The following ADGRV1 variants were observed in gnomAD, a reference collection of about 807,000 sequenced individuals.
ADGRV1 encodes the protein G-protein coupled receptor 98.
In ADGRV1, 359 loss-of-function variants were observed where a neutral mutation model predicts 596.2. That is an observed-to-expected ratio of 0.60 (90% CI 0.55 to 0.66). The LOEUF is 0.66. ADGRV1 is among the 30% of genes least tolerant of loss of function. The pLI is 0.00. For synonymous variants in ADGRV1, 2,681 were observed against 2,679.2 expected (o/e 1.00, Z -0.02); for missense variants, 7,274 against 7,575.6 (o/e 0.96, Z 1.48).
chr5:90,718,401 G>A (rs190764148), intron 43 of ADGRV1: 36 of 152,030 alleles, frequency 2.4e-4, no homozygotes, highest in African/African-American at 8.7e-4. Context: ...TCCACCTTTT[G>A]ACTCTTGTCA....
intron 1 of ADGRV1, among the ~76,000 whole-genome samples, chr5:90,605,908 T>G (rs547709734): frequency 8.3e-4 from 126 of 152,244 alleles, no homozygotes; most frequent in African/African-American, 3.0e-3. Flanking sequence ...TACTTGCACT[T>G]TTCAGCCAAG....
At chr5:91,119,227 A>T (rs994290872) in intron 87 of ADGRV1, among the ~76,000 whole-genome samples, 1 of 152,240 alleles carries the variant, frequency 6.6e-6, no homozygotes, top group African/African-American at 2.4e-5. Flanking sequence ...TAAAACACCC[A>T]GATTTGTGCC....
chr5:90,863,005 A>G (rs1295952599), intron 82 of ADGRV1, among the ~76,000 whole-genome samples: 1 of 152,246 alleles, frequency 6.6e-6, no homozygotes, highest in Non-Finnish European at 1.5e-5. Context: ...GCAAAGCAGT[A>G]TACATATGTC....
rs539508315 is a variant in ADGRV1 at position 90,976,361 on chromosome 5, T to C, written c.17974-8983T>C. Reference sequence around the variant, plus strand: ...ATATATATATATATGTATATGTATATATGGACATCTTTAAGTTTACCATGC... The same window carrying C: ...ATATATATATATATGTATATGTATACATGGACATCTTTAAGTTTACCATGC... On this transcript the variant is annotated intron_variant, in intron 84 of 89. Transcript: ENST00000405460. Among the ~76,000 whole-genome samples the C allele has an allele frequency of 1.2e-4, 18 of 147,156 alleles. No individual in the cohort carries two copies. The South Asian group carries it at 2.5e-3, about 21-fold the overall frequency.
At chr5:91,034,820 A>T (rs2151243751) in intron 85 of ADGRV1, among the ~76,000 whole-genome samples, 1 of 152,224 alleles carries the variant, frequency 6.6e-6, no homozygotes, top group South Asian at 2.1e-4. Context: ...TCCCCCTGTT[A>T]TGTTGCCAAG....
Position 90,667,566 on chromosome 5 carries a change from G to A in ADGRV1, c.4753-4980G>A, listed in dbSNP as rs570709050. Among the ~76,000 whole-genome samples, 126 of 148,938 alleles carry A rather than the reference G, an allele frequency of 8.5e-4. 1 individual carries two copies. The highest frequency in any genetic ancestry group is 4.6e-3 in the East Asian group (23 of 4,988). On this transcript the variant is annotated intron_variant, in intron 21 of 89. Coordinates refer to ENST00000405460, the MANE Select transcript of ADGRV1 (RefSeq NM_032119.4). Reference sequence around the variant, plus strand: ...TTGCCTTTGGTTTGAATGTCCTCCCGTAGCTCAGAGTAATTTGATCGTCTG... The same window carrying A: ...TTGCCTTTGGTTTGAATGTCCTCCCATAGCTCAGAGTAATTTGATCGTCTG...
chr5:90,889,463 C>T (rs1361080430), intron 83 of ADGRV1, among the ~76,000 whole-genome samples: 1 of 151,974 alleles, frequency 6.6e-6, no homozygotes, highest in Non-Finnish European at 1.5e-5. Flanking sequence ...CCATTGTTTT[C>T]ACTACTAGAA....
chr5:90,947,266 G>A lies in ADGRV1; in HGVS notation c.17857-18149G>A, dbSNP rs536322925. On this transcript the variant is annotated intron_variant, in intron 83 of 89. Transcript: ENST00000405460. ...TATCGAGCTTTTTCTTCATATGTTT[G>A]TTGGCCACATAAATGTCTTCTTTTG... Among the ~76,000 whole-genome samples the A allele has an allele frequency of 3.3e-5, 5 of 151,972 alleles. No individual in the cohort carries two copies. In the South Asian group the frequency reaches 6.2e-4, roughly 19 times the overall value.
In ADGRV1 at chr5:91,150,089, G is replaced by A. The variant is rs750815536; in HGVS notation, c.18492G>A (p.Lys6164=). ...ILHNQMCCPM[K]ASYTVEMNGH... ...ACAACCAAATGTGTTGCCCTATGAA[G>A]GCCAGTTACACTGTGGAAATGAATG... Residue 6164 remains lysine, a synonymous_variant, in exon 88 of 90, where the codon AAG becomes AAA. Coordinates refer to ENST00000405460, the MANE Select transcript of ADGRV1 (RefSeq NM_032119.4). 2.0e-5 allele frequency: 31 copies of A among 1,561,466 alleles called. No homozygotes were observed. The highest frequency in any genetic ancestry group is 2.6e-5 in the Non-Finnish European group (30 of 1,153,486).
intron 76 of ADGRV1, among the ~76,000 whole-genome samples, chr5:90,827,769 A>G (rs1310826462): frequency 1.3e-5 from 2 of 152,202 alleles, no homozygotes; most frequent in African/African-American, 4.8e-5. Flanking sequence ...CACAGAAAAA[A>G]CTAAGTATTT....
intron 83 of ADGRV1, among the ~76,000 whole-genome samples, chr5:90,943,955 G>A (rs1262165720): frequency 6.6e-6 from 1 of 152,268 alleles, no homozygotes; most frequent in East Asian, 1.9e-4. Flanking sequence ...GAATTGAGGT[G>A]TAGGGGGGGC....
At chr5:91,105,243 G>A (rs1791753237) in intron 87 of ADGRV1, among the ~76,000 whole-genome samples, 1 of 152,048 alleles carries the variant, frequency 6.6e-6, no homozygotes, top group Non-Finnish European at 1.5e-5. Context: ...ATTGGTTGTT[G>A]GACACCTAGG....
intron 86 of ADGRV1, among the ~76,000 whole-genome samples, chr5:91,094,066 A>G (rs6452937): frequency 0.26 from 39,665 of 151,600 alleles, 7,375 homozygotes; most frequent in African/African-American, 0.52. Context: ...TCGCCAGGAC[A>G]GTCTCGAGCT....
chr5:90,973,208 T>G (rs796637220), intron 84 of ADGRV1, among the ~76,000 whole-genome samples: 1 of 152,088 alleles, frequency 6.6e-6, no homozygotes, highest in Admixed American at 6.6e-5. Flanking sequence ...AGGCAATAAT[T>G]AATAGCCTAC....
At position 90,811,215 on chromosome 5, in the gene ADGRV1, G is replaced by A; in HGVS notation, c.15955G>A (p.Asp5319Asn). 3 of 1,613,178 alleles carry A rather than the reference G, an allele frequency of 1.9e-6. No individual in the cohort carries two copies. Among genetic ancestry groups the A allele is most frequent in the South Asian group, 2.2e-5 (2 of 90,890 alleles). ...TAAAGTATCAGTTCAAATTTTGGATGATGATGAGCCTGAGGGGCAGGAATT... is the reference window on the plus strand; with the variant it reads ...TAAAGTATCAGTTCAAATTTTGGATAATGATGAGCCTGAGGGGCAGGAATT... ...ERKVSVQILD[D>N]DEPEGQEFFY... Residue 5319 changes from aspartate (D) to asparagine (N), a missense_variant, in exon 74 of 90, where the codon GAT (aspartate) becomes AAT (asparagine). By Grantham distance (23) the Asp-to-Asn change is conservative. Coordinates refer to ENST00000405460, the MANE Select transcript of ADGRV1 (RefSeq NM_032119.4).
intron 70 of ADGRV1, among the ~76,000 whole-genome samples, chr5:90,796,710 G>C (rs752671268): frequency 6.6e-6 from 1 of 152,070 alleles, no homozygotes; most frequent in Non-Finnish European, 1.5e-5. Flanking sequence ...AAATGTTAAG[G>C]GCAGCCAGAG....
At chr5:91,074,520 C>T (rs1788678805) in intron 86 of ADGRV1, among the ~76,000 whole-genome samples, 1 of 152,182 alleles carries the variant, frequency 6.6e-6, no homozygotes, top group African/African-American at 2.4e-5. Context: ...TTTTTTATGA[C>T]TGCATAATAT....
rs7721198 is a variant in ADGRV1, at chr5:90,679,268, A to G, written c.5444-281A>G. The stretch of plus-strand genomic sequence containing the variant: ...AAATAATTTACGTTGGTGTAAAAAA[A>G]TGAAAATTTAAAAATAATACTAGAT... On this transcript the variant is annotated intron_variant, in intron 25 of 89. Transcript: ENST00000405460. Among the ~76,000 whole-genome samples the G allele has an allele frequency of 0.74, 111,867 of 152,068 alleles. 42,181 individuals carry two copies. The highest frequency in any genetic ancestry group is 0.9 in the African/African-American group (37,224 of 41,514).
intron 76 of ADGRV1, 38 bp from the exon 77 acceptor site, chr5:90,828,906 A>G: frequency 1.4e-6 from 2 of 1,406,806 alleles, no homozygotes; most frequent in Non-Finnish European, 1.9e-6. Context: ...GAAATATATT[A>G]GTAATAGTTG....
Sources: allele counts gnomAD v4.1 joint callset (sites outside exome capture counted in the v4.1 genomes callset), GRCh38; gene constraint gnomAD v4.1.1; transcripts MANE v1.5; gene names NCBI Gene and HGNC (gene_info 2026-07-23, HGNC 2026-07-21).